Variants in NALF1 observed in about 807,000 individuals in gnomAD.
The protein encoded by NALF1 is NALCN channel auxiliary factor 1, also known as family with sequence similarity 155 member A.
Under a neutral mutation model 48.4 loss-of-function variants are expected in NALF1, and 3 were observed. The observed-to-expected ratio is 0.06, with a 90% CI of 0.03 to 0.16. NALF1 has a LOEUF of 0.16. NALF1 is among the 10% of genes least tolerant of loss of function. The probability of loss-of-function intolerance (pLI) is 1.00; values close to 1 mark genes in which losing one functional copy is unlikely to be tolerated. For synonymous variants in NALF1, 262 were observed against 245.7 expected (o/e 1.07, Z -0.62); for missense variants, 526 against 571.5 (o/e 0.92, Z 0.81).
chr13:107,228,112 C>A (rs958875146), intron 1 of NALF1, among the ~76,000 whole-genome samples: 1 of 152,124 alleles, frequency 6.6e-6, no homozygotes, highest in Non-Finnish European at 1.5e-5. Flanking sequence ...TTTCGATTAA[C>A]AATTGTATCA....
intron 1 of NALF1, among the ~76,000 whole-genome samples, chr13:107,506,017 G>A (rs916121814): frequency 5.9e-5 from 9 of 151,894 alleles, no homozygotes; most frequent in Non-Finnish European, 1.0e-4. Flanking sequence ...TTCTTTATGG[G>A]TAATTTACTT....
Position 107,272,278 on chromosome 13 carries a change from A to G in NALF1, c.916-61523T>C, listed in dbSNP as rs1425461316. ...GCCGGACTGCGGACTGCAGTGGCGC[A>G]ATCTCGGCTCACTGCAAGCTCCGCT... is the stretch of plus-strand genomic sequence containing the variant. On this transcript the variant is annotated intron_variant, in intron 1 of 2. Transcript: ENST00000375915. Among the ~76,000 whole-genome samples the G allele has an allele frequency of 3.1e-3, 46 of 14,718 alleles. 19 individuals are homozygous for G. Among genetic ancestry groups the G allele is most frequent in the Non-Finnish European group, 9.5e-3 (44 of 4,612 alleles). 9.7% of individuals were successfully genotyped at this position (14,718 alleles called of 152,430 possible). A position where few individuals can be genotyped will look rare whatever the true frequency, so the allele number is the denominator to read the frequency against.
chr13:107,827,361 A>T (rs80037848), intron 1 of NALF1, among the ~76,000 whole-genome samples: 1,813 of 152,296 alleles, frequency 0.012, 36 homozygotes, highest in African/African-American at 0.041. Flanking sequence ...GACCTGAAAG[A>T]TCTGAAGGAT....
chr13:107,480,408 TG>T (rs1424564450), intron 1 of NALF1, among the ~76,000 whole-genome samples: 4 of 152,336 alleles, frequency 2.6e-5, no homozygotes, highest in African/African-American at 9.6e-5. Context: ...ATATCTGCCT[TG>T]GAATATTTTG....
chr13:107,735,947 G>A (rs1594235695), intron 1 of NALF1, among the ~76,000 whole-genome samples: 1 of 152,020 alleles, frequency 6.6e-6, no homozygotes, highest in South Asian at 2.1e-4. Flanking sequence ...TCTCTGCTCT[G>A]AGTTATATGC....
chr13:107,295,795 T>A (rs1881713851), intron 1 of NALF1, among the ~76,000 whole-genome samples: 1 of 152,210 alleles, frequency 6.6e-6, no homozygotes, highest in Non-Finnish European at 1.5e-5. Context: ...ATCAAAACCC[T>A]ATGGGCATAA....
At chr13:107,183,045 G>A (rs1879099887) in intron 2 of NALF1, among the ~76,000 whole-genome samples, 3 of 152,160 alleles carry the variant, frequency 2.0e-5, no homozygotes, top group Middle Eastern at 3.2e-3. Context: ...GCTCCACCTC[G>A]GTGGAGAGGT....
chr13:107,262,769 G>GCTCTCT (rs1555329321), intron 1 of NALF1, among the ~76,000 whole-genome samples: 2,783 of 144,080 alleles, frequency 0.019, 100 homozygotes, highest in African/African-American at 0.065. Flanking sequence ...ACCCACAGGC[G>GCTCTCT]CTCTCTCTCT....
intron 1 of NALF1, among the ~76,000 whole-genome samples, chr13:107,576,935 A>C (rs1201629959): frequency 6.6e-6 from 1 of 152,226 alleles, no homozygotes; most frequent in African/African-American, 2.4e-5. Flanking sequence ...CAGCATTACA[A>C]GGAAGGGAGT....
chr13:107,660,069 T>C (rs1261943571), intron 1 of NALF1, among the ~76,000 whole-genome samples: 1 of 152,114 alleles, frequency 6.6e-6, no homozygotes, highest in African/African-American at 2.4e-5. Context: ...CTGAGTCTAA[T>C]GAAGGCTTGA....
intron 1 of NALF1, among the ~76,000 whole-genome samples, chr13:107,573,822 C>G (rs1878057138): frequency 6.6e-6 from 1 of 152,106 alleles, no homozygotes; most frequent in African/African-American, 2.4e-5. Flanking sequence ...TGCCTGCTGC[C>G]ATGTAAGATG....
rs185450791 is a variant in NALF1 at position 107,373,050 on chromosome 13, G to C, written c.916-162295C>G. Among the ~76,000 whole-genome samples, 108 of 152,114 alleles carry C rather than the reference G, an allele frequency of 7.1e-4. No individual in the cohort carries two copies. In the East Asian group the frequency reaches 0.019, roughly 27 times the overall value. On this transcript the variant is annotated intron_variant, in intron 1 of 2. Coordinates refer to ENST00000375915, the MANE Select transcript of NALF1 (RefSeq NM_001080396.3). ...TAATAATACAGGCTCTGATCCCTTT[G>C]GGATTAGTTCATGTAATTATGTGAG... is the stretch of plus-strand genomic sequence containing the variant.
intron 1 of NALF1, among the ~76,000 whole-genome samples, chr13:107,523,653 G>T (rs1876326608): frequency 6.6e-6 from 1 of 151,770 alleles, no homozygotes; most frequent in African/African-American, 2.4e-5. Flanking sequence ...CTTCTTAAGG[G>T]TGGCTGCTCT....
chr13:107,351,766 C>CT (rs1433221078), intron 1 of NALF1, among the ~76,000 whole-genome samples: 3 of 152,134 alleles, frequency 2.0e-5, no homozygotes, highest in African/African-American at 7.2e-5. Flanking sequence ...TCTCTAGTGT[C>CT]TTTTTTTAGG....
At chr13:107,672,999 G>A (rs758478421) in intron 1 of NALF1, among the ~76,000 whole-genome samples, 16 of 151,970 alleles carry the variant, frequency 1.1e-4, no homozygotes, top group Non-Finnish European at 1.5e-5. Context: ...AAATCTAGAT[G>A]CTCACTTCTA....
At position 107,170,207 on chromosome 13, in the gene NALF1, TAAAC is replaced by T. The variant is rs548964311; in HGVS notation, c.*286_*289del. 1.2e-4 allele frequency: 35 copies of T among 299,440 alleles called. No individual in the cohort carries two copies. The highest frequency in any genetic ancestry group is 1.0e-3 in the East Asian group (17 of 16,376). 18.5% of individuals were successfully genotyped at this position (299,440 alleles called of 1,614,324 possible). On this transcript the variant is annotated 3_prime_UTR_variant, in exon 3 of 3. Transcript: ENST00000375915. ...ATCCTGTATTAACAAGTGCAAAAAA[TAAAC>T]AAACAAATAAACCCAAACCAAAACG...
chr13:107,586,634 G>GTTTTTTTTTTTT (rs1403213630), intron 1 of NALF1, among the ~76,000 whole-genome samples: 1 of 5,666 alleles, frequency 1.8e-4, no homozygotes. Context: ...CCCCTATGGA[G>GTTTTTTTTTTTT]ATTTTTTTTT....
At position 107,204,496 on chromosome 13, in the gene NALF1, A is replaced by G. The variant is rs1594068847; in HGVS notation, c.1087+6088T>C. Among the ~76,000 whole-genome samples the G allele has an allele frequency of 3.3e-5, 5 of 152,274 alleles. No individual in the cohort carries two copies. The South Asian group carries it at 1.0e-3, about 32-fold the overall frequency. The stretch of plus-strand genomic sequence containing the variant: ...ATCCAGACATCCTAATTCCTCCTCT[A>G]TTCCCTACATACATTCTCTTGCCAA... On this transcript the variant is annotated intron_variant, in intron 2 of 2. Transcript: ENST00000375915.
At chr13:107,210,797 C>T (rs770435743) in intron 1 of NALF1, 42 bp from the exon 2 acceptor site, 1 of 1,426,718 alleles carries the variant, frequency 7.0e-7, no homozygotes, top group Non-Finnish European at 9.9e-7. Context: ...GGCGTGACAA[C>T]AGTTACAGTG....
Sources: gnomAD v4.1 joint callset for allele counts (sites outside exome capture counted in the v4.1 genomes callset) on GRCh38, gnomAD v4.1.1 for gene constraint, MANE v1.5 for transcripts, NCBI Gene and HGNC (gene_info 2026-07-23, HGNC 2026-07-21) for gene names.